The following GHRH variants were observed in gnomAD, a reference collection of about 807,000 sequenced individuals.
GHRH encodes the protein somatoliberin.
Under a neutral mutation model 15.6 loss-of-function variants are expected in GHRH, and 7 were observed. The observed-to-expected ratio is 0.45, with a 90% CI of 0.26 to 0.84. The LOEUF is 0.84. GHRH is among the 40% of genes least tolerant of loss of function. The pLI, the probability that GHRH is intolerant of heterozygous loss-of-function variation, is 0.18. For synonymous variants in GHRH, 54 were observed against 50.4 expected, an observed-to-expected ratio of 1.07 and a Z score of -0.30; for missense variants, 117 against 138.0, an observed-to-expected ratio of 0.85 and a Z score of 0.76.
At chr20:37,256,975 G>T in intron 1 of GHRH, 67 bp from the exon 2 acceptor site, 1 of 984,346 alleles carries the variant, frequency 1.0e-6, no homozygotes, top group Non-Finnish European at 1.6e-6. Context: ...CACTGGCCCA[G>T]CCCTGGGCTT....
intron 4 of GHRH, among the ~76,000 whole-genome samples, chr20:37,252,386 C>A (rs549856485): frequency 6.6e-6 from 1 of 152,144 alleles, no homozygotes. Flanking sequence ...GGCCATGGAG[C>A]GCTCTGCTGG....
At chr20:37,252,629 G>A (rs1366079467) in intron 4 of GHRH, among the ~76,000 whole-genome samples, 2 of 151,488 alleles carry the variant, frequency 1.3e-5, no homozygotes, top group African/African-American at 2.4e-5. Context: ...TTAGCCGGGC[G>A]TGGTGGCGGG....
intron 3 of GHRH, among the ~76,000 whole-genome samples, chr20:37,255,225 A>G (rs898727478): frequency 9.2e-5 from 14 of 152,222 alleles, no homozygotes; most frequent in Non-Finnish European, 1.8e-4. Flanking sequence ...TTGGAAGTGT[A>G]TATGGAAGTC....
At chr20:37,251,853 C>T (rs1569010638) in intron 4 of GHRH, among the ~76,000 whole-genome samples, 1 of 152,220 alleles carries the variant, frequency 6.6e-6, no homozygotes, top group Non-Finnish European at 1.5e-5. Context: ...TATTCCTGCT[C>T]ACCAGTGATA....
At chr20:37,254,554 AAT>A (rs2068644621) in intron 3 of GHRH, among the ~76,000 whole-genome samples, 1 of 152,154 alleles carries the variant, frequency 6.6e-6, no homozygotes, top group Non-Finnish European at 1.5e-5. Flanking sequence ...TAGAGGGAAA[AAT>A]AACTTTATAG....
At chr20:37,255,426 C>T (rs574624460) in intron 3 of GHRH, among the ~76,000 whole-genome samples, 6 of 151,944 alleles carry the variant, frequency 3.9e-5, no homozygotes, top group Non-Finnish European at 7.4e-5. Flanking sequence ...TTTGGGAGGC[C>T]GAGGCGGGCA....
At chr20:37,256,312 G>T (rs2068655387) in intron 3 of GHRH, 82 bp downstream of exon 3, 2 of 777,016 alleles carry the variant, frequency 2.6e-6, no homozygotes, top group Admixed American at 2.6e-5. Flanking sequence ...GATCTGAATT[G>T]GTCCCTGGTC....
intron 1 of GHRH, among the ~76,000 whole-genome samples, chr20:37,259,332 A>G (rs1488392943): frequency 1.3e-5 from 2 of 151,710 alleles, no homozygotes; most frequent in African/African-American, 2.4e-5. Flanking sequence ...GCACCATACC[A>G]CGTCTGGTCC....
intron 3 of GHRH, among the ~76,000 whole-genome samples, chr20:37,255,634 C>T (rs1434470211): frequency 3.2e-5 from 4 of 124,740 alleles, no homozygotes; most frequent in African/African-American, 1.3e-4. Flanking sequence ...GCACTCCAGC[C>T]TGGGGGACAG....
Position 37,251,092 on chromosome 20 carries a change from T to G in GHRH, c.*121A>C. ...GGCTGAAGAGAAAAGAACATTTAAA[T>G]GCACACCGGTATGGGGGAATTTTAT... On this transcript the variant is annotated 3_prime_UTR_variant, in exon 5 of 5. Coordinates refer to ENST00000373614, the MANE Select transcript of GHRH (RefSeq NM_021081.6). The G allele has an allele frequency of 1.6e-6, 1 of 607,324 alleles. No individual in the cohort carries two copies. The highest frequency in any genetic ancestry group is 2.8e-6 in the Non-Finnish European group (1 of 351,564). 37.6% of individuals were successfully genotyped at this position (607,324 alleles called of 1,614,324 possible). A position where few individuals can be genotyped will look rare whatever the true frequency, so the allele number is the denominator to read the frequency against.
intron 3 of GHRH, 72 bp from the exon 4 acceptor site, chr20:37,254,401 C>A: frequency 6.6e-7 from 1 of 1,509,476 alleles, no homozygotes; most frequent in South Asian, 1.1e-5. Context: ...TATCCCTATG[C>A]CTATTTCAAT....
Position 37,254,297 on chromosome 20 carries a change from C to T in GHRH, c.221G>A (p.Arg74Gln), listed in dbSNP as rs201379161. The part of the protein sequence containing the change: ...ESNQERGARA[R>Q]LGRQVDSMWA... ...CATGCTGTCTACCTGACGACCAAGC[C>T]GTGCCCTTGCTCCTCGCTCTTGGTT... is the stretch of plus-strand genomic sequence containing the variant. Residue 74 changes from arginine to glutamine, a missense_variant, in exon 4 of 5, where the codon CGG (arginine) becomes CAG (glutamine). Physicochemically the swap from Arg to Gln is conservative, Grantham distance 43. Coordinates refer to ENST00000373614, the MANE Select transcript of GHRH (RefSeq NM_021081.6). The T allele has an allele frequency of 1.0e-4, 161 of 1,614,036 alleles. 1 individual carries two copies. In the East Asian group the frequency reaches 1.6e-3, roughly 16 times the overall value.
chr20:37,255,878 TAGTC>T (rs1180041244), intron 3 of GHRH, among the ~76,000 whole-genome samples: 5 of 151,538 alleles, frequency 3.3e-5, no homozygotes, highest in African/African-American at 1.2e-4. Context: ...AAAAATAAAA[TAGTC>T]AGTTGTGGTG....
intron 1 of GHRH, among the ~76,000 whole-genome samples, chr20:37,260,047 T>A (rs187274933): frequency 4.7e-4 from 72 of 152,264 alleles, no homozygotes; most frequent in African/African-American, 1.6e-3. Flanking sequence ...CCCCTCCCTA[T>A]GCACACCCAG....
intron 4 of GHRH, 139 bp from the exon 5 acceptor site, chr20:37,251,370 G>T: frequency 4.7e-6 from 3 of 634,464 alleles, no homozygotes; most frequent in East Asian, 3.0e-5. Context: ...GTGGGGTGGA[G>T]GGAAGGATGC....
rs772701000 is a variant in GHRH, at chr20:37,256,408, C to A, written c.174G>T (p.Met58Ile). ...CTCCTGCTTACCCCTGCTGCCTGCT[C>A]ATGATGTCCTGGAGCAGCTTGCGGG... The part of the protein sequence containing the change: ...LSARKLLQDI[M>I]SRQQGESNQE... The change falls in exon 3 of 5, where the codon ATG (methionine) becomes ATT (isoleucine). Residue 58 changes from methionine to isoleucine, a missense_variant. Physicochemically the swap from Met to Ile is conservative, Grantham distance 10 (BLOSUM62 1). Transcript: ENST00000373614. 2.5e-6 allele frequency: 4 copies of A among 1,610,688 alleles called. No homozygotes were observed. Among genetic ancestry groups the A allele is most frequent in the Non-Finnish European group, 3.4e-6 (4 of 1,177,726 alleles).
chr20:37,254,157 C>T lies in GHRH; in HGVS notation c.308+53G>A, dbSNP rs143131537. 67 of 1,605,000 alleles carry T rather than the reference C, an allele frequency of 4.2e-5. No individual in the cohort carries two copies. The Middle Eastern group carries it at 7.2e-4, about 17-fold the overall frequency. ...ATTTTTTCCTTTTCCTGGCAAACCA[C>T]GGGGTAGGAAGCCCTGAAGTCCCTA... On this transcript the variant is annotated intron_variant, in intron 4 of 4. Coordinates refer to ENST00000373614, the MANE Select transcript of GHRH (RefSeq NM_021081.6).
chr20:37,251,664 A>T (rs951756394), intron 4 of GHRH, among the ~76,000 whole-genome samples: 11 of 152,164 alleles, frequency 7.2e-5, no homozygotes, highest in Admixed American at 7.2e-4. Context: ...GTACCCTGCT[A>T]TGCCTCTGGT....
chr20:37,256,697 T>G, intron 2 of GHRH, 110 bp downstream of exon 2: 4 of 891,432 alleles, frequency 4.5e-6, no homozygotes, highest in Non-Finnish European at 7.0e-6. Flanking sequence ...GGGTGCTGCC[T>G]GGAGACATAG....
Sources: gnomAD v4.1 joint callset for allele counts (sites outside exome capture counted in the v4.1 genomes callset) on GRCh38, gnomAD v4.1.1 for gene constraint, MANE v1.5 for transcripts, NCBI Gene and HGNC (gene_info 2026-07-23, HGNC 2026-07-21) for gene names.